The following DIAPH2 variants were observed in gnomAD, a reference collection of about 807,000 sequenced individuals.
The protein encoded by DIAPH2 is diaphanous related formin 2, also known as protein diaphanous homolog 2.
DIAPH2 carries 35 observed loss-of-function variants against 92.7 expected under a neutral mutation model. The observed-to-expected ratio is 0.38, with a 90% CI of 0.29 to 0.50. The LOEUF (loss-of-function observed/expected upper bound fraction) is 0.50. DIAPH2 is among the 20% of genes least tolerant of loss of function. The pLI is 0.94. For synonymous variants in DIAPH2, 301 were observed against 280.4 expected (o/e 1.07, Z -0.73); for missense variants, 701 against 819.5 (o/e 0.86, Z 1.77).
intron 1 of DIAPH2, among the ~76,000 whole-genome samples, chrX:96,723,621 G>A (rs1230631287): frequency 8.9e-6 from 1 of 111,916 alleles, no homozygotes; most frequent in Admixed American, 9.5e-5. Context: ...GCTGATTTGC[G>A]AATTCAACCA....
At position 96,962,408 on chromosome X, in the gene DIAPH2, T is replaced by TATATATACAC. The variant is rs2065864127; in HGVS notation, c.1936-2678_1936-2677insCACATATATA. 1.7e-4 allele frequency among the ~76,000 whole-genome samples: 9 copies of TATATATACAC among 53,226 alleles called. 1 individual carries two copies. Among genetic ancestry groups the TATATATACAC allele is most frequent in the African/African-American group, 6.6e-4 (8 of 12,100 alleles). 46.2% of individuals were successfully genotyped at this position (53,226 alleles called of 115,157 possible). On this transcript the variant is annotated intron_variant, in intron 16 of 26. Coordinates refer to ENST00000324765, the MANE Select transcript of DIAPH2 (RefSeq NM_006729.5). ...ATATATATACACATATATATACACA[T>TATATATACAC]ATATATATACACATATATATACATA... is the stretch of plus-strand genomic sequence containing the variant.
At chrX:96,876,818 G>A (rs1283580995) in intron 4 of DIAPH2, among the ~76,000 whole-genome samples, 3 of 109,695 alleles carry the variant, frequency 2.7e-5, no homozygotes, top group African/African-American at 1.0e-4. Context: ...TAAATGATGG[G>A]TTAATGGGTG....
chrX:97,287,125 A>G (rs896627450), intron 23 of DIAPH2, among the ~76,000 whole-genome samples: 1 of 111,499 alleles, frequency 9.0e-6, no homozygotes, highest in Non-Finnish European at 1.9e-5. Context: ...CCTGGACAAC[A>G]TGGTGAAACC....
At chrX:97,532,477 G>A (rs1364308818) in intron 26 of DIAPH2, among the ~76,000 whole-genome samples, 1 of 112,584 alleles carries the variant, frequency 8.9e-6, no homozygotes, top group Non-Finnish European at 1.9e-5. Context: ...GTCATCCCCA[G>A]AAGGAGGCTT....
intron 22 of DIAPH2, among the ~76,000 whole-genome samples, chrX:97,162,662 C>T (rs766879157): frequency 1.8e-5 from 2 of 110,379 alleles, no homozygotes; most frequent in East Asian, 2.9e-4. Flanking sequence ...TGTGCCACCA[C>T]ACCCAGCTAA....
intron 22 of DIAPH2, among the ~76,000 whole-genome samples, chrX:97,225,254 G>C (rs1334669261): frequency 9.0e-6 from 1 of 111,147 alleles, no homozygotes; most frequent in Non-Finnish European, 1.9e-5. Flanking sequence ...CATTCCAAAA[G>C]CCTTCTCTAA....
At chrX:96,863,304 A>AT (rs2065083566) in intron 4 of DIAPH2, among the ~76,000 whole-genome samples, 1 of 29,303 alleles carries the variant, frequency 3.4e-5, no homozygotes, top group South Asian at 8.7e-4. Flanking sequence ...CTCCTTTCTT[A>AT]TTTTTTTCTT....
At chrX:97,051,284 G>T (rs2066518326) in intron 17 of DIAPH2, among the ~76,000 whole-genome samples, 1 of 110,849 alleles carries the variant, frequency 9.0e-6, no homozygotes, top group Non-Finnish European at 1.9e-5. Flanking sequence ...TATGAACAAG[G>T]CTGTATAGTT....
intron 4 of DIAPH2, among the ~76,000 whole-genome samples, chrX:96,829,251 C>T (rs2064834435): frequency 9.0e-6 from 1 of 111,083 alleles, no homozygotes; most frequent in African/African-American, 3.3e-5. Flanking sequence ...CTAGGATGTT[C>T]ACAATCACTA....
At chrX:97,080,171 C>G (rs1471520792) in intron 19 of DIAPH2, among the ~76,000 whole-genome samples, 1 of 105,384 alleles carries the variant, frequency 9.5e-6, no homozygotes, top group Non-Finnish European at 2.0e-5. Flanking sequence ...TTCCTTCTCT[C>G]CCTCCCTCCT....
chrX:97,187,960 A>G (rs2067621784), intron 22 of DIAPH2, among the ~76,000 whole-genome samples: 1 of 111,766 alleles, frequency 8.9e-6, no homozygotes, highest in African/African-American at 3.3e-5. Flanking sequence ...CAAGGTGAAA[A>G]TGATGGGTTT....
intron 9 of DIAPH2, among the ~76,000 whole-genome samples, chrX:96,927,792 T>C (rs1020381181): frequency 1.8e-5 from 2 of 110,640 alleles, no homozygotes; most frequent in African/African-American, 6.6e-5. Flanking sequence ...TTTTGGATGA[T>C]GGGATGCCAT....
At chrX:96,881,153 A>G (rs1349960157) in intron 4 of DIAPH2, among the ~76,000 whole-genome samples, 1 of 111,636 alleles carries the variant, frequency 9.0e-6, no homozygotes, top group East Asian at 2.8e-4. Context: ...TGGGTTATGT[A>G]TAATGGTATA....
intron 4 of DIAPH2, among the ~76,000 whole-genome samples, chrX:96,858,699 T>C (rs918047840): frequency 1.8e-5 from 2 of 112,038 alleles, no homozygotes; most frequent in African/African-American, 6.5e-5. Flanking sequence ...ACAGGAAAGA[T>C]AAATCTAGAT....
chrX:96,943,462 A>G (rs867342824), intron 13 of DIAPH2, among the ~76,000 whole-genome samples: 1 of 111,193 alleles, frequency 9.0e-6, no homozygotes, highest in African/African-American at 3.3e-5. Flanking sequence ...TTTTAGCCTC[A>G]TTGCATATTT....
intron 17 of DIAPH2, among the ~76,000 whole-genome samples, chrX:97,051,120 A>G (rs2066517624): frequency 8.9e-6 from 1 of 111,976 alleles, no homozygotes. Context: ...CTTTCTGGAC[A>G]TCTACTATCA....
At position 96,805,218 on chromosome X, in the gene DIAPH2, C is replaced by CATAT. The variant is rs766463081; in HGVS notation, c.447+46961_447+46962insTATA. Among the ~76,000 whole-genome samples, 91 of 5,487 alleles carry CATAT rather than the reference C, an allele frequency of 0.017. No homozygotes were observed. In the African/African-American group the frequency reaches 0.18, roughly 11 times the overall value. The allele number at this position is 5,487 out of a possible 115,157, so 4.8% of individuals were successfully genotyped here. A position where few individuals can be genotyped will look rare whatever the true frequency, so the allele number is the denominator to read the frequency against. ...ACACATATATATTTATACACACACA[C>CATAT]ACATACACACACATATATATACACA... is the stretch of plus-strand genomic sequence containing the variant. On this transcript the variant is annotated intron_variant, in intron 4 of 26. Transcript: ENST00000324765.
At chrX:97,413,123 T>A (rs1329287779) in intron 25 of DIAPH2, among the ~76,000 whole-genome samples, 2 of 111,782 alleles carry the variant, frequency 1.8e-5, no homozygotes, top group Admixed American at 9.5e-5. Flanking sequence ...TTTAGACCAA[T>A]ATCCCTGATG....
chrX:97,469,583 T>C (rs1569405506), intron 26 of DIAPH2: 3 of 643,881 alleles, frequency 4.7e-6, no homozygotes, highest in East Asian at 7.4e-5. Flanking sequence ...CCTAAATCAG[T>C]ATTATAAATG....
Sources: allele counts gnomAD v4.1 joint callset (sites outside exome capture counted in the v4.1 genomes callset), GRCh38; gene constraint gnomAD v4.1.1; transcripts MANE v1.5; gene names NCBI Gene and HGNC (gene_info 2026-07-23, HGNC 2026-07-21).